Variants in ST3GAL5 observed in about 807,000 individuals in gnomAD.
ST3GAL5 encodes ST3 beta-galactoside alpha-2,3-sialyltransferase 5.
In ST3GAL5, 25 loss-of-function variants were observed where a neutral mutation model predicts 46.1. The ratio of observed to expected loss-of-function variants is 0.54; its 90% confidence interval spans 0.40 to 0.76. ST3GAL5 has a LOEUF of 0.76. Ranked by LOEUF, ST3GAL5 falls within the 30% of genes least tolerant of loss-of-function variation. The pLI is 0.00. For synonymous variants in ST3GAL5, 182 were observed against 192.7 expected (o/e 0.94, Z 0.46); for missense variants, 431 against 521.2 (o/e 0.83, Z 1.69).
chr2:85,882,073 G>A (rs1687218595), intron 1 of ST3GAL5, among the ~76,000 whole-genome samples: 1 of 152,250 alleles, frequency 6.6e-6, no homozygotes, highest in Admixed American at 6.5e-5. Flanking sequence ...GTACAGCTTG[G>A]GCTGTGGCTT....
At chr2:85,867,788 G>T in intron 1 of ST3GAL5, 1 of 679,602 alleles carries the variant, frequency 1.5e-6, no homozygotes. Flanking sequence ...ATGGTATAAC[G>T]GCAAGACTGT....
At chr2:85,883,080 A>G (rs2366948) in intron 1 of ST3GAL5, among the ~76,000 whole-genome samples, 111,403 of 151,932 alleles carry the variant, frequency 0.73, 41,193 homozygotes, top group East Asian at 0.99. Context: ...GTGAGTGTTG[A>G]GAAGGCACGA....
intron 1 of ST3GAL5, among the ~76,000 whole-genome samples, chr2:85,870,510 C>T (rs375342947): frequency 3.9e-5 from 6 of 152,152 alleles, no homozygotes; most frequent in African/African-American, 1.4e-4. Flanking sequence ...CTGCCAGGAA[C>T]AGCCTCCGCA....
At chr2:85,851,079 G>A (rs1009999619) in intron 3 of ST3GAL5, 2 of 194,874 alleles carry the variant, frequency 1.0e-5, no homozygotes, top group Admixed American at 6.0e-5. Flanking sequence ...GACACACCCG[G>A]CTACTTTTTG....
intron 1 of ST3GAL5, chr2:85,870,046 T>G (rs370191058): frequency 1.2e-4 from 42 of 364,852 alleles, no homozygotes; most frequent in African/African-American, 8.9e-4. Flanking sequence ...GTTAGAATAA[T>G]AAAACTACAG....
chr2:85,863,231 T>C (rs1684914050), intron 2 of ST3GAL5, 131 bp downstream of exon 2: 1 of 1,549,312 alleles, frequency 6.5e-7, no homozygotes, highest in Non-Finnish European at 8.8e-7. Context: ...CCTTTGAATG[T>C]CTGAGGCATC....
chr2:85,870,713 GT>G (rs1685828445), intron 1 of ST3GAL5, among the ~76,000 whole-genome samples: 1 of 134,262 alleles, frequency 7.4e-6, no homozygotes, highest in South Asian at 2.3e-4. Context: ...TTTCGCTCTT[GT>G]TGCCCGGGCT....
chr2:85,837,452 G>C lies in ST3GAL5; in HGVS notation c.*2692C>G, dbSNP rs1204159443. On this transcript the variant is annotated 3_prime_UTR_variant, in exon 7 of 7. Coordinates refer to ENST00000638572, the MANE Select transcript of ST3GAL5 (RefSeq NM_003896.4). ...GCCAAGAAGGGTAGGGGGAAATGAA[G>C]AGAGGTTGATTAATGGGTACAAACA... The C allele has an allele frequency of 6.6e-6, 1 of 152,182 alleles. No individual in the cohort carries two copies. Among genetic ancestry groups the C allele is most frequent in the East Asian group, 1.9e-4 (1 of 5,192 alleles). 9.4% of individuals were successfully genotyped at this position (152,182 alleles called of 1,614,324 possible).
intron 1 of ST3GAL5, among the ~76,000 whole-genome samples, chr2:85,886,262 C>G (rs1043409634): frequency 2.0e-5 from 3 of 152,170 alleles, no homozygotes; most frequent in African/African-American, 7.2e-5. Context: ...TGGGAGCCGT[C>G]TCTACAAAAT....
intron 4 of ST3GAL5, 31 bp from the exon 5 acceptor site, chr2:85,846,594 G>A (rs370982042): frequency 6.2e-7 from 1 of 1,606,862 alleles, no homozygotes. Context: ...AAGACACACT[G>A]ACAAAGCAGG....
intron 1 of ST3GAL5, among the ~76,000 whole-genome samples, chr2:85,884,193 T>TAC (rs1409872810): frequency 6.6e-6 from 1 of 152,176 alleles, no homozygotes; most frequent in African/African-American, 2.4e-5. Flanking sequence ...GAACATTACA[T>TAC]TAGTTAGTAT....
chr2:85,838,188 G>C lies in ST3GAL5; in HGVS notation c.*1956C>G, dbSNP rs1681641812. 6.6e-6 allele frequency: 1 copy of C among 152,244 alleles called. No homozygotes were observed. The highest frequency in any genetic ancestry group is 6.5e-5 in the Admixed American group (1 of 15,286). 9.4% of individuals were successfully genotyped at this position (152,244 alleles called of 1,614,324 possible). A position where few individuals can be genotyped will look rare whatever the true frequency, so the allele number is the denominator to read the frequency against. ...GACATGAGCAAAGCAACCTAAGGAT[G>C]CAAGAAGGGCCTTACAGGGAGGAGG... is the stretch of plus-strand genomic sequence containing the variant. On this transcript the variant is annotated 3_prime_UTR_variant, in exon 7 of 7. Transcript: ENST00000638572.
Position 85,840,124 on chromosome 2 carries a change from T to A in ST3GAL5, c.*20A>T. On this transcript the variant is annotated 3_prime_UTR_variant, in exon 7 of 7. Transcript: ENST00000638572. ...AGCTCTCAGAGTTAGAGTTGCATTTTCAACTGAGGTTTTCTGTGTTCAAAA... is the reference window on the plus strand; with the variant it reads ...AGCTCTCAGAGTTAGAGTTGCATTTACAACTGAGGTTTTCTGTGTTCAAAA... 6.2e-7 allele frequency: 1 copy of A among 1,614,228 alleles called. No individual in the cohort carries two copies. Among genetic ancestry groups the A allele is most frequent in the Non-Finnish European group, 8.5e-7 (1 of 1,180,036 alleles).
At chr2:85,844,303 G>A in intron 6 of ST3GAL5, 93 bp downstream of exon 6, 1 of 1,547,642 alleles carries the variant, frequency 6.5e-7, no homozygotes. Flanking sequence ...CTCCACTGGA[G>A]ATGCTTCTGG....
In ST3GAL5 at chr2:85,844,410, A is replaced by G. The variant is rs755011149; in HGVS notation, c.994T>C (p.Trp332Arg). 9 of 1,614,262 alleles carry G rather than the reference A, an allele frequency of 5.6e-6. No individual in the cohort carries two copies. In the South Asian group the frequency reaches 9.9e-5, roughly 18 times the overall value. The change falls in exon 6 of 7, where the codon TGG (tryptophan) becomes CGG (arginine). Residue 332 changes from tryptophan (W) to arginine (R), a missense_variant. Transcript: ENST00000638572. The stretch of plus-strand genomic sequence containing the variant: ...AACAAAAATACCTTATCTCGGCCCC[A>G]GAACCTTGACTGAGGCTCTGAGTAC... ...LQYSEPQSRF[W>R]GRDKNVPTIG...
At chr2:85,840,966 AGG>A (rs1681987571) in intron 6 of ST3GAL5, among the ~76,000 whole-genome samples, 1 of 145,370 alleles carries the variant, frequency 6.9e-6, no homozygotes, top group Non-Finnish European at 1.5e-5. Context: ...AAAAAAAAAA[AGG>A]CATTCCTTCT....
At chr2:85,853,537 T>G (rs1015605751) in intron 3 of ST3GAL5, 1 of 167,900 alleles carries the variant, frequency 6.0e-6, no homozygotes, top group Admixed American at 5.6e-5. Flanking sequence ...CGTGCTCTTG[T>G]GGTAAGGATC....
At chr2:85,877,897 G>C (rs1262513861) in intron 1 of ST3GAL5, among the ~76,000 whole-genome samples, 2 of 152,190 alleles carry the variant, frequency 1.3e-5, no homozygotes, top group Non-Finnish European at 2.9e-5. Flanking sequence ...ATAACCTTTA[G>C]ATTTTCTTTT....
At chr2:85,848,673 A>G in intron 3 of ST3GAL5, 1 of 285,500 alleles carries the variant, frequency 3.5e-6, no homozygotes, top group Non-Finnish European at 6.9e-6. Context: ...TCATAAAAAC[A>G]TGGTTACCAG....
Sources: allele counts gnomAD v4.1 joint callset (sites outside exome capture counted in the v4.1 genomes callset), GRCh38; gene constraint gnomAD v4.1.1; transcripts MANE v1.5; gene names NCBI Gene and HGNC (gene_info 2026-07-23, HGNC 2026-07-21).